TVP23C: variants seen among roughly 807,000 people sequenced by gnomAD.
TVP23C encodes the protein trans-golgi network vesicle protein 23 homolog C, also known as Golgi apparatus membrane protein TVP23 homolog C.
A neutral mutation model predicts 28.7 loss-of-function variants in TVP23C; 19 were observed. That is an observed-to-expected ratio of 0.66 (90% confidence interval 0.46 to 0.97). The LOEUF is 0.97. Among genes scored for constraint, TVP23C ranks in the 50% least tolerant of loss-of-function variants. The probability of loss-of-function intolerance (pLI) is 0.00; values close to 1 mark genes in which losing one functional copy is unlikely to be tolerated. For missense variants in TVP23C, 186 were observed against 241.3 expected (o/e 0.77, Z 1.52); for synonymous variants, 68 against 81.7 (o/e 0.83, Z 0.90).
At chr17:15,541,921 G>A (rs1188053908) in intron 5 of TVP23C, among the ~76,000 whole-genome samples, 1 of 152,164 alleles carries the variant, frequency 6.6e-6, no homozygotes, top group Non-Finnish European at 1.5e-5. Flanking sequence ...CTAAGGCATC[G>A]ATTTACTCAA....
chr17:15,502,732 T>A, exon 6 of TVP23C: 1 of 827,084 alleles, frequency 1.2e-6, no homozygotes, highest in Non-Finnish European at 1.6e-6. Context: ...CTCTCTCTCT[T>A]TCTCTCTCCT....
intron 5 of TVP23C, among the ~76,000 whole-genome samples, chr17:15,528,341 A>G (rs996712955): frequency 1.3e-5 from 2 of 151,590 alleles, no homozygotes; most frequent in African/African-American, 2.4e-5. Context: ...TTCCCTTGTG[A>G]TTTCTTCTTT....
chr17:15,538,793 A>G lies in TVP23C; in HGVS notation c.*1619T>C. 1 of 985,350 alleles carries G rather than the reference A, an allele frequency of 1.0e-6. No homozygotes were observed. The highest frequency in any genetic ancestry group is 1.7e-5 in the African/African-American group (1 of 57,304). 61.0% of individuals were successfully genotyped at this position (985,350 alleles called of 1,614,324 possible). ...CCTCCCCACCTTCAGAAACACTGAA[A>G]ATTCTAACGAAAAAAACCTAATAAG... On this transcript the variant is annotated 3_prime_UTR_variant, in exon 6 of 6. Coordinates refer to ENST00000518321, the MANE Select transcript of TVP23C (RefSeq NM_001135036.2).
At chr17:15,557,500 C>T (rs575287312) in intron 1 of TVP23C, among the ~76,000 whole-genome samples, 3 of 148,412 alleles carry the variant, frequency 2.0e-5, no homozygotes, top group Non-Finnish European at 4.5e-5. Flanking sequence ...AGTCTCACCA[C>T]GTTGGCCAGG....
rs538569669 is a variant in TVP23C at position 15,502,746 on chromosome 17, T to C, written c.*118A>G. 5 of 1,018,606 alleles carry C rather than the reference T, an allele frequency of 4.9e-6. No individual in the cohort carries two copies. In the East Asian group the frequency reaches 9.6e-5, roughly 20 times the overall value. The allele number at this position is 1,018,606 out of a possible 1,614,324, so 63.1% of individuals were successfully genotyped here. A position where few individuals can be genotyped will look rare whatever the true frequency, so the allele number is the denominator to read the frequency against. ...TCTCTCTCTCTTTCTCTCTCCTCTC[T>C]CCCGTCTCTTTCTCTCCTTCTCCGT... On this transcript the variant is annotated 3_prime_UTR_variant, in exon 6 of 6. Coordinates refer to the TVP23C transcript ENST00000225576.
At chr17:15,540,664 G>A in intron 5 of TVP23C, 103 bp from the exon 6 acceptor site, 1 of 644,348 alleles carries the variant, frequency 1.6e-6, no homozygotes, top group Non-Finnish European at 2.8e-6. Flanking sequence ...AGAGAAGGAA[G>A]AGGAAGCTCT....
chr17:15,512,058 G>A (rs769414960), intron 5 of TVP23C, among the ~76,000 whole-genome samples: 2 of 152,166 alleles, frequency 1.3e-5, no homozygotes, highest in African/African-American at 2.4e-5. Context: ...ATCTGAGTGG[G>A]GCAGCATGAT....
At chr17:15,527,729 G>A (rs1462034074) in intron 5 of TVP23C, among the ~76,000 whole-genome samples, 1 of 152,078 alleles carries the variant, frequency 6.6e-6, no homozygotes, top group African/African-American at 2.4e-5. Context: ...ATATTGAACT[G>A]GATCCACAAC....
chr17:15,538,639 C>T lies in TVP23C; in HGVS notation c.*1773G>A. ...GTAGACATGCGCTAATGAAGTAAAT[C>T]CATGGATACCATCATCCACCCAGCT... is the stretch of plus-strand genomic sequence containing the variant. On this transcript the variant is annotated 3_prime_UTR_variant, in exon 6 of 6. Coordinates refer to ENST00000518321, the MANE Select transcript of TVP23C (RefSeq NM_001135036.2). 1 of 985,282 alleles carries T rather than the reference C, an allele frequency of 1.0e-6. No homozygotes were observed. The highest frequency in any genetic ancestry group is 1.2e-6 in the Non-Finnish European group (1 of 829,876). The allele number at this position is 985,282 out of a possible 1,614,324, so 61.0% of individuals were successfully genotyped here.
rs1463690407 is a variant in TVP23C at position 15,537,256 on chromosome 17, C to G, written c.*3156G>C. ...ACCATTAATACAAATGCATAATTTA[C>G]AATATCCCCATTATAGCAAGAAAAA... On this transcript the variant is annotated 3_prime_UTR_variant, in exon 6 of 6. Coordinates refer to ENST00000518321, the MANE Select transcript of TVP23C (RefSeq NM_001135036.2). 3 of 599,302 alleles carry G rather than the reference C, an allele frequency of 5.0e-6. No individual in the cohort carries two copies. In the East Asian group the frequency reaches 4.3e-4, roughly 87 times the overall value. The allele number at this position is 599,302 out of a possible 1,614,324, so 37.1% of individuals were successfully genotyped here. A position where few individuals can be genotyped will look rare whatever the true frequency, so the allele number is the denominator to read the frequency against.
chr17:15,559,313 T>TAAAAAAAAAA lies in TVP23C; in HGVS notation c.13-3959_13-3950dup, dbSNP rs56346847. ...GGTACTGCTGTAAGTGGTACAGATT[T>TAAAAAAAAAA]AAAAAAAAAAAAAAAAAAAAAAAGA... On this transcript the variant is annotated intron_variant, in intron 1 of 5. Transcript: ENST00000518321. Among the ~76,000 whole-genome samples, 6 of 105,172 alleles carry TAAAAAAAAAA rather than the reference T, an allele frequency of 5.7e-5. No homozygotes were observed. In the East Asian group the frequency reaches 1.1e-3, roughly 19 times the overall value. 69.0% of individuals were successfully genotyped at this position (105,172 alleles called of 152,430 possible). A position where few individuals can be genotyped will look rare whatever the true frequency, so the allele number is the denominator to read the frequency against.
intron 5 of TVP23C, among the ~76,000 whole-genome samples, chr17:15,511,495 A>C (rs1318931736): frequency 6.6e-6 from 1 of 152,218 alleles, no homozygotes; most frequent in East Asian, 1.9e-4. Flanking sequence ...TTTAGGTCCT[A>C]AAGAATTTGA....
chr17:15,524,662 T>C (rs901272175), intron 5 of TVP23C, among the ~76,000 whole-genome samples: 18 of 152,270 alleles, frequency 1.2e-4, no homozygotes, highest in African/African-American at 4.1e-4. Context: ...TGGTGTCCTC[T>C]TCTCCATCCC....
At chr17:15,545,459 TGA>T (rs1387906535) in intron 5 of TVP23C, among the ~76,000 whole-genome samples, 1 of 152,300 alleles carries the variant, frequency 6.6e-6, no homozygotes, top group Admixed American at 6.5e-5. Flanking sequence ...ATAGAAACTG[TGA>T]GATAATGGCT....
At chr17:15,549,527 A>T (rs966570976) in intron 3 of TVP23C, among the ~76,000 whole-genome samples, 5 of 152,082 alleles carry the variant, frequency 3.3e-5, no homozygotes, top group Non-Finnish European at 5.9e-5. Flanking sequence ...AAAAATACAA[A>T]AATTCGCTAG....
chr17:15,536,146 C>T (rs1324074212), downstream of TVP23C, among the ~76,000 whole-genome samples: 1 of 152,050 alleles, frequency 6.6e-6, no homozygotes, highest in African/African-American at 2.4e-5. Flanking sequence ...TCCGAGATCA[C>T]ACCACTGCAC....
intron 5 of TVP23C, chr17:15,516,543 C>CT (rs1982235988): frequency 7.6e-6 from 1 of 131,826 alleles, no homozygotes; most frequent in Admixed American, 7.4e-5. Context: ...CTCTGTGTGT[C>CT]TGTGTCCTAA....
chr17:15,513,734 G>C (rs1982101302), intron 5 of TVP23C, among the ~76,000 whole-genome samples: 1 of 152,210 alleles, frequency 6.6e-6, no homozygotes, highest in Non-Finnish European at 1.5e-5. Flanking sequence ...GACATGAGCA[G>C]CAGATCTGTA....
chr17:15,538,428 A>C lies in TVP23C; in HGVS notation c.*1984T>G, dbSNP rs181243759. 1 of 732,346 alleles carries C rather than the reference A, an allele frequency of 1.4e-6. No homozygotes were observed. The highest frequency in any genetic ancestry group is 1.3e-4 in the East Asian group (1 of 7,540). The allele number at this position is 732,346 out of a possible 1,614,324, so 45.4% of individuals were successfully genotyped here. A position where few individuals can be genotyped will look rare whatever the true frequency, so the allele number is the denominator to read the frequency against. On this transcript the variant is annotated 3_prime_UTR_variant, in exon 6 of 6. Coordinates refer to ENST00000518321, the MANE Select transcript of TVP23C (RefSeq NM_001135036.2). ...ACACAGTGAAACCCCGTCTCTACTA[A>C]AAATACAAAAAATTAGCCAGGCGTG... is the stretch of plus-strand genomic sequence containing the variant.
Sources: allele counts gnomAD v4.1 joint callset (sites outside exome capture counted in the v4.1 genomes callset), GRCh38; gene constraint gnomAD v4.1.1; transcripts MANE v1.5; gene names NCBI Gene and HGNC (gene_info 2026-07-23, HGNC 2026-07-21).